FOXK1: variants seen among roughly 807,000 people sequenced by gnomAD.
FOXK1 encodes forkhead box K1, also known as forkhead box protein K1.
Under a neutral mutation model 51.9 loss-of-function variants are expected in FOXK1, and 19 were observed. The observed-to-expected ratio is 0.37, with a 90% confidence interval of 0.26 to 0.54. FOXK1 has a LOEUF of 0.54. Among genes scored for constraint, FOXK1 ranks in the 20% least tolerant of loss-of-function variants. The pLI, the probability that FOXK1 is intolerant of heterozygous loss-of-function variation, is 0.87. For synonymous variants in FOXK1, 537 were observed against 482.6 expected, an observed-to-expected ratio of 1.11 and a Z score of -1.48; for missense variants, 870 against 1,032.7, an observed-to-expected ratio of 0.84 and a Z score of 2.16.
chr7:4,683,687 G>A lies in FOXK1; in HGVS notation c.560+819G>A, dbSNP rs1465957086. Among the ~76,000 whole-genome samples, 1 of 151,912 alleles carries A rather than the reference G, an allele frequency of 6.6e-6. No individual in the cohort carries two copies. The highest frequency in any genetic ancestry group is 2.4e-5 in the African/African-American group (1 of 41,370). On this transcript the variant is annotated intron_variant, in intron 1 of 8. Transcript: ENST00000328914. This position sits in a 1 kb window ranked among gnomAD's most constrained non-coding sequence, Gnocchi z 4.5. The stretch of plus-strand genomic sequence containing the variant: ...GCCTCAAGTCACCCCAGTGCCTGAT[G>A]CCTGCCGTCCTGGACCCCAGTGGCT...
At chr7:4,692,586 G>C (rs565144085) in intron 1 of FOXK1, among the ~76,000 whole-genome samples, 1 of 151,952 alleles carries the variant, frequency 6.6e-6, no homozygotes, top group East Asian at 1.9e-4. Flanking sequence ...AGTAGAGACA[G>C]GGTTTCATCA....
chr7:4,689,879 C>G (rs532818504), intron 1 of FOXK1, among the ~76,000 whole-genome samples: 15 of 152,254 alleles, frequency 9.9e-5, no homozygotes, highest in African/African-American at 2.6e-4. Flanking sequence ...TGACCCAGCG[C>G]CTGGGTGGGT....
intron 3 of FOXK1, 178 bp downstream of exon 3, chr7:4,754,793 C>A: frequency 3.9e-6 from 3 of 778,570 alleles, no homozygotes; most frequent in Non-Finnish European, 4.0e-6. Context: ...GTTTTCGTGC[C>A]CAAATCATCC....
Position 4,758,633 on chromosome 7 carries a change from A to G in FOXK1, c.1245-418A>G. ...TTCGAACGTCATTTGCAGCATTTAAACTGAGCTCCAAATGACGTTCAAACA... is the reference window on the plus strand; with the variant it reads ...TTCGAACGTCATTTGCAGCATTTAAGCTGAGCTCCAAATGACGTTCAAACA... On this transcript the variant is annotated intron_variant, in intron 5 of 8. Coordinates refer to ENST00000328914, the MANE Select transcript of FOXK1 (RefSeq NM_001037165.2). This position sits in a 1 kb window ranked among gnomAD's most constrained non-coding sequence, Gnocchi z 4.4. 1 of 184,244 alleles carries G rather than the reference A, an allele frequency of 5.4e-6. No individual in the cohort carries two copies. The highest frequency in any genetic ancestry group is 1.1e-5 in the Non-Finnish European group (1 of 89,456). The allele number at this position is 184,244 out of a possible 1,614,324, so 11.4% of individuals were successfully genotyped here.
In FOXK1 at chr7:4,759,536, C is replaced by G; in HGVS notation, c.1637C>G (p.Ala546Gly). Residue 546 changes from alanine to glycine, a missense_variant, in exon 7 of 9, where the codon GCG becomes GGG. Physicochemically the swap from Ala to Gly is moderately conservative, Grantham distance 60 (BLOSUM62 0). Coordinates refer to ENST00000328914, the MANE Select transcript of FOXK1 (RefSeq NM_001037165.2). ...TACATCCTCACCAGCCAGGGCGCGG[C>G]GGGGGGCTCCCATGATGCGGCGGGC... ...NGYILTSQGA[A>G]GGSHDAAGAA... 6.4e-7 allele frequency: 1 copy of G among 1,558,382 alleles called. No homozygotes were observed. The highest frequency in any genetic ancestry group is 8.6e-7 in the Non-Finnish European group (1 of 1,158,386).
At position 4,711,739 on chromosome 7, in the gene FOXK1, C is replaced by T. The variant is rs1201169747; in HGVS notation, c.560+28871C>T. Among the ~76,000 whole-genome samples, 5 of 152,252 alleles carry T rather than the reference C, an allele frequency of 3.3e-5. No individual in the cohort carries two copies. The highest frequency in any genetic ancestry group is 6.5e-5 in the Admixed American group (1 of 15,280). On this transcript the variant is annotated intron_variant, in intron 1 of 8. Transcript: ENST00000328914. The surrounding 1 kb of genome is among the most constrained non-coding windows in gnomAD (Gnocchi z 6.3). ...CAGGAGGCCAGCTCTGTGTCACCCA[C>T]CAGGCTGGGCTCAGCCACAAGTCGG...
chr7:4,737,714 G>A lies in FOXK1; in HGVS notation c.561-3124G>A, dbSNP rs149832254. Reference sequence around the variant, plus strand: ...TCTTTCCTTGCTTCCCTAGGTCAGGGACACCAGTCCCATCCTCAGACACCA... The same window carrying A: ...TCTTTCCTTGCTTCCCTAGGTCAGGAACACCAGTCCCATCCTCAGACACCA... On this transcript the variant is annotated intron_variant, in intron 1 of 8. Transcript: ENST00000328914. 4.4e-4 allele frequency among the ~76,000 whole-genome samples: 67 copies of A among 152,294 alleles called. 1 individual carries two copies. Among genetic ancestry groups the A allele is most frequent in the Non-Finnish European group, 5.3e-4 (36 of 68,022 alleles).
At chr7:4,726,756 C>A (rs939653382) in intron 1 of FOXK1, among the ~76,000 whole-genome samples, 3 of 152,194 alleles carry the variant, frequency 2.0e-5, no homozygotes, top group Non-Finnish European at 4.4e-5. Context: ...CTCAAGACTT[C>A]TCTTTTCGCC....
At position 4,682,555 on chromosome 7, in the gene FOXK1, G is replaced by C; in HGVS notation, c.247G>C (p.Val83Leu). Residue 83 changes from valine (V) to leucine (L), a missense_variant, in exon 1 of 9, where the codon GTC becomes CTC. Physicochemically the swap from Val to Leu is conservative, Grantham distance 32. This residue lies in a region of FOXK1 where 399 missense variants were observed against 475.6 expected (regional missense o/e 0.84). Transcript: ENST00000328914. This position sits in a 1 kb window ranked among gnomAD's most constrained non-coding sequence, Gnocchi z 7.6. Reference protein sequence around the residue: ...GSSGVSGDSAVAGAAPALVAA... With the variant: ...GSSGVSGDSALAGAAPALVAA... ...CTCCGGGGTATCCGGGGACTCCGCGGTCGCGGGCGCGGCGCCGGCCCTGGT... is the reference window on the plus strand; with the variant it reads ...CTCCGGGGTATCCGGGGACTCCGCGCTCGCGGGCGCGGCGCCGGCCCTGGT... The C allele has an allele frequency of 8.6e-7, 1 of 1,165,754 alleles. No homozygotes were observed. Among genetic ancestry groups the C allele is most frequent in the Non-Finnish European group, 1.1e-6 (1 of 948,758 alleles). The allele number at this position is 1,165,754 out of a possible 1,614,324, so 72.2% of individuals were successfully genotyped here. A position where few individuals can be genotyped will look rare whatever the true frequency, so the allele number is the denominator to read the frequency against.
At chr7:4,726,258 G>A (rs766559623) in intron 1 of FOXK1, among the ~76,000 whole-genome samples, 5 of 152,148 alleles carry the variant, frequency 3.3e-5, no homozygotes, top group African/African-American at 4.8e-5. Context: ...TAGGAAGCAC[G>A]AGACCTGTGC....
chr7:4,708,754 A>C (rs1040684201), intron 1 of FOXK1, among the ~76,000 whole-genome samples: 3 of 152,088 alleles, frequency 2.0e-5, no homozygotes, highest in African/African-American at 4.8e-5. Flanking sequence ...GTGGCCGTCA[A>C]GTGCTGCTTT....
In FOXK1 at chr7:4,758,965, C is replaced by G; in HGVS notation, c.1245-86C>G. On this transcript the variant is annotated intron_variant, in intron 5 of 8. Transcript: ENST00000328914. This position sits in a 1 kb window ranked among gnomAD's most constrained non-coding sequence, Gnocchi z 4.4. ...AGCTCCAGGGAGCGTGGGCGGGTGACGGCGCTGAGATGCGTGATGTCTCGG... is the reference window on the plus strand; with the variant it reads ...AGCTCCAGGGAGCGTGGGCGGGTGAGGGCGCTGAGATGCGTGATGTCTCGG... The G allele has an allele frequency of 7.0e-7, 1 of 1,421,770 alleles. No homozygotes were observed. The highest frequency in any genetic ancestry group is 1.4e-5 in the African/African-American group (1 of 69,976). The allele number at this position is 1,421,770 out of a possible 1,614,324, so 88.1% of individuals were successfully genotyped here.
intron 1 of FOXK1, among the ~76,000 whole-genome samples, chr7:4,698,557 T>C (rs1356121368): frequency 1.3e-5 from 2 of 152,084 alleles, no homozygotes; most frequent in African/African-American, 4.8e-5. Flanking sequence ...ACCTCTTTGT[T>C]GTTGTTGTTG....
chr7:4,755,232 C>G lies in FOXK1; in HGVS notation c.904-5C>G. 4.3e-6 allele frequency: 7 copies of G among 1,613,510 alleles called. No individual in the cohort carries two copies. Among genetic ancestry groups the G allele is most frequent in the Non-Finnish European group, 5.1e-6 (6 of 1,179,866 alleles). On this transcript the variant is annotated splice_region_variant and splice_polypyrimidine_tract_variant and intron_variant, in intron 3 of 8. Transcript: ENST00000328914. The surrounding 1 kb of genome is among the most constrained non-coding windows in gnomAD (Gnocchi z 6.6). ...GCTCATCCCGTGAGCCGTGTTTCTC[C>G]GCAGGATGAGTCAAAGCCGCCGTTC... is the stretch of plus-strand genomic sequence containing the variant.
At chr7:4,732,110 G>A (rs1780485371) in intron 1 of FOXK1, among the ~76,000 whole-genome samples, 1 of 152,216 alleles carries the variant, frequency 6.6e-6, no homozygotes, top group Non-Finnish European at 1.5e-5. Context: ...CATTTATCAA[G>A]CTGTTGTAAA....
At chr7:4,717,454 T>C (rs1256011438) in intron 1 of FOXK1, among the ~76,000 whole-genome samples, 1 of 46,752 alleles carries the variant, frequency 2.1e-5, no homozygotes, top group African/African-American at 1.7e-4. Context: ...CTGGGAGGTG[T>C]GTGGCTGGGA....
chr7:4,703,365 C>T lies in FOXK1; in HGVS notation c.560+20497C>T, dbSNP rs1157767829. Reference sequence around the variant, plus strand: ...GGTAGGGCGTTGTGACAGCCTGGCTCTCAGGGGATGGGAGGACAACTCGCT... The same window carrying T: ...GGTAGGGCGTTGTGACAGCCTGGCTTTCAGGGGATGGGAGGACAACTCGCT... On this transcript the variant is annotated intron_variant, in intron 1 of 8. Coordinates refer to ENST00000328914, the MANE Select transcript of FOXK1 (RefSeq NM_001037165.2). This position sits in a 1 kb window ranked among gnomAD's most constrained non-coding sequence, Gnocchi z 5.6. 1.3e-5 allele frequency among the ~76,000 whole-genome samples: 2 copies of T among 152,176 alleles called. No homozygotes were observed. The highest frequency in any genetic ancestry group is 2.9e-5 in the Non-Finnish European group (2 of 68,024).
Position 4,759,369 on chromosome 7 carries a change from C to G in FOXK1, c.1470C>G (p.Leu490=). 6.2e-7 allele frequency: 1 copy of G among 1,602,472 alleles called. No homozygotes were observed. The highest frequency in any genetic ancestry group is 8.5e-7 in the Non-Finnish European group (1 of 1,179,306). Residue 490 remains leucine (L), a synonymous_variant, in exon 7 of 9, where the codon CTC becomes CTG. Transcript: ENST00000328914. ...IMAVPPRPSS[L]VAKPVAYMPA... ...CCGTGCCTCCCCGACCGTCCAGCCT[C>G]GTGGCCAAGCCCGTGGCCTACATGC... is the stretch of plus-strand genomic sequence containing the variant.
In FOXK1 at chr7:4,703,385, C is replaced by G. The variant is rs1447798889; in HGVS notation, c.560+20517C>G. Among the ~76,000 whole-genome samples the G allele has an allele frequency of 6.6e-6, 1 of 152,176 alleles. No homozygotes were observed. The highest frequency in any genetic ancestry group is 1.5e-5 in the Non-Finnish European group (1 of 68,030). On this transcript the variant is annotated intron_variant, in intron 1 of 8. Coordinates refer to ENST00000328914, the MANE Select transcript of FOXK1 (RefSeq NM_001037165.2). This position sits in a 1 kb window ranked among gnomAD's most constrained non-coding sequence, Gnocchi z 5.6. The stretch of plus-strand genomic sequence containing the variant: ...TGGCTCTCAGGGGATGGGAGGACAA[C>G]TCGCTGAAGTTCGTGGCCCCAAGAC...
Sources: allele counts gnomAD v4.1 joint callset (sites outside exome capture counted in the v4.1 genomes callset), GRCh38; gene constraint gnomAD v4.1.1; regional missense constraint gnomAD v4.1.1; non-coding constraint Gnocchi (gnomAD v3.1); transcripts MANE v1.5; gene names NCBI Gene and HGNC (gene_info 2026-07-23, HGNC 2026-07-21).